The following XKR4 variants were observed in gnomAD, a reference collection of about 807,000 sequenced individuals.
The protein encoded by XKR4 is XK-related protein 4.
In XKR4, 12 loss-of-function variants were observed where a neutral mutation model predicts 53.9. The observed-to-expected ratio is 0.22, with a 90% confidence interval of 0.14 to 0.36. XKR4 has a LOEUF of 0.36. XKR4 is among the 10% of genes least tolerant of loss of function. The pLI is 1.00. For missense variants in XKR4, 799 were observed against 859.5 expected (o/e 0.93, Z 0.88); for synonymous variants, 354 against 362.4 (o/e 0.98, Z 0.26).
rs1435055425 is a variant in XKR4 at position 55,102,303 on chromosome 8, G to A, written c.-186G>A. ...CGGCCCCAGGCGCGCCGCTAGCCCG[G>A]CCCAGCGCCCAGCCCGGCGGGCGGC... On this transcript the variant is annotated 5_prime_UTR_variant, in exon 1 of 3. Coordinates refer to ENST00000327381, the MANE Select transcript of XKR4 (RefSeq NM_052898.2). The surrounding 1 kb of genome is among the most constrained non-coding windows in gnomAD (Gnocchi z 5.1). 7 of 809,428 alleles carry A rather than the reference G, an allele frequency of 8.6e-6. No homozygotes were observed. The highest frequency in any genetic ancestry group is 1.9e-5 in the African/African-American group (1 of 52,980). 50.1% of individuals were successfully genotyped at this position (809,428 alleles called of 1,614,324 possible).
intron 2 of XKR4, among the ~76,000 whole-genome samples, chr8:55,495,367 G>T (rs1022668543): frequency 2.0e-5 from 3 of 152,080 alleles, no homozygotes; most frequent in Non-Finnish European, 4.4e-5. Flanking sequence ...AGGAGCTCCC[G>T]CCCCACCCAC....
chr8:55,179,011 G>T (rs138658925), intron 1 of XKR4, among the ~76,000 whole-genome samples: 1,670 of 152,256 alleles, frequency 0.011, 12 homozygotes, highest in Non-Finnish European at 0.018. Flanking sequence ...ATGAATGATA[G>T]TGAGAACCTG....
chr8:55,317,129 AG>A (rs1321000383), intron 1 of XKR4, among the ~76,000 whole-genome samples: 6 of 152,348 alleles, frequency 3.9e-5, no homozygotes, highest in Admixed American at 1.3e-4. Context: ...TTAACAGACT[AG>A]GAAAAAAAAC....
chr8:55,258,310 T>C (rs962372063), intron 1 of XKR4, among the ~76,000 whole-genome samples: 1 of 152,186 alleles, frequency 6.6e-6, no homozygotes, highest in Non-Finnish European at 1.5e-5. Context: ...GTTGCTCAGA[T>C]GCAGTGAGTG....
intron 1 of XKR4, among the ~76,000 whole-genome samples, chr8:55,326,461 T>C (rs1803294394): frequency 7.5e-6 from 1 of 133,288 alleles, no homozygotes; most frequent in Non-Finnish European, 1.6e-5. Flanking sequence ...TCAACTGATT[T>C]TTTTTCCTTT....
chr8:55,235,359 A>G (rs1028662229), intron 1 of XKR4, among the ~76,000 whole-genome samples: 1 of 152,216 alleles, frequency 6.6e-6, no homozygotes, highest in Non-Finnish European at 1.5e-5. Flanking sequence ...GTGGACATGA[A>G]TTTTGAGAGG....
At chr8:55,228,914 G>C (rs1817993078) in intron 1 of XKR4, among the ~76,000 whole-genome samples, 1 of 151,928 alleles carries the variant, frequency 6.6e-6, no homozygotes, top group Non-Finnish European at 1.5e-5. Context: ...TTCTGGATTA[G>C]GGAATTTATT....
chr8:55,411,631 T>G (rs1804779860), intron 2 of XKR4, among the ~76,000 whole-genome samples: 1 of 152,214 alleles, frequency 6.6e-6, no homozygotes, highest in African/African-American at 2.4e-5. Context: ...CCAAGCCCAT[T>G]GACTCTGTGG....
intron 1 of XKR4, among the ~76,000 whole-genome samples, chr8:55,138,061 T>G (rs566557809): frequency 1.3e-5 from 2 of 152,280 alleles, no homozygotes; most frequent in Admixed American, 1.3e-4. Context: ...GCTGTCTCAT[T>G]ACCTTCTTGA....
chr8:55,320,349 A>C (rs1803186916), intron 1 of XKR4, among the ~76,000 whole-genome samples: 1 of 152,152 alleles, frequency 6.6e-6, no homozygotes, highest in Non-Finnish European at 1.5e-5. Flanking sequence ...TAAAGTACTT[A>C]CCTACCCTTA....
chr8:55,342,797 TG>T (rs1803577114), intron 1 of XKR4, among the ~76,000 whole-genome samples: 1 of 152,252 alleles, frequency 6.6e-6, no homozygotes, highest in Non-Finnish European at 1.5e-5. Context: ...CTTTCCTTCC[TG>T]TCTTACTTCA....
chr8:55,470,701 C>T (rs981382712), intron 2 of XKR4, among the ~76,000 whole-genome samples: 1 of 152,134 alleles, frequency 6.6e-6, no homozygotes, highest in Non-Finnish European at 1.5e-5. Flanking sequence ...AAGTTTGGAA[C>T]AATAACTATC....
intron 1 of XKR4, among the ~76,000 whole-genome samples, chr8:55,109,281 C>T (rs1035350235): frequency 2.0e-5 from 3 of 152,172 alleles, no homozygotes; most frequent in Non-Finnish European, 4.4e-5. Flanking sequence ...GATCATCTTC[C>T]AGCTCTGAGA....
intron 1 of XKR4, among the ~76,000 whole-genome samples, chr8:55,124,446 G>A (rs962185445): frequency 3.3e-5 from 5 of 152,212 alleles, no homozygotes; most frequent in African/African-American, 7.2e-5. Flanking sequence ...GAGCAGCAGC[G>A]CTGCTGTAAG....
chr8:55,144,897 T>C (rs1346031883), intron 1 of XKR4, among the ~76,000 whole-genome samples: 1 of 148,258 alleles, frequency 6.7e-6, no homozygotes, highest in Non-Finnish European at 1.5e-5. Context: ...AGTGGCGCAA[T>C]CTTGGCTCAC....
intron 1 of XKR4, among the ~76,000 whole-genome samples, chr8:55,206,665 C>T (rs1404686599): frequency 1.3e-5 from 2 of 152,296 alleles, no homozygotes; most frequent in African/African-American, 2.4e-5. Flanking sequence ...AATATTGCCC[C>T]TGAAAAAGTT....
At chr8:55,316,125 C>T (rs925871375) in intron 1 of XKR4, among the ~76,000 whole-genome samples, 5 of 152,136 alleles carry the variant, frequency 3.3e-5, no homozygotes, top group African/African-American at 9.7e-5. Context: ...CAGATGAACC[C>T]ATTCAATGTG....
intron 1 of XKR4, among the ~76,000 whole-genome samples, chr8:55,230,281 G>A (rs1818013192): frequency 6.6e-6 from 1 of 151,708 alleles, no homozygotes; most frequent in African/African-American, 2.4e-5. Flanking sequence ...AACTAGGGAG[G>A]GGAATCACTT....
chr8:55,540,263 A>G lies in XKR4; in HGVS notation c.*16036A>G, dbSNP rs1420587415. On this transcript the variant is annotated 3_prime_UTR_variant, in exon 3 of 3. Coordinates refer to ENST00000327381, the MANE Select transcript of XKR4 (RefSeq NM_052898.2). ...TGGTCAATTTTCATGGATATTTCCC[A>G]TTAACATTGTATTCCATGAACAAGT... 1 of 152,338 alleles carries G rather than the reference A, an allele frequency of 6.6e-6. No homozygotes were observed. Among genetic ancestry groups the G allele is most frequent in the East Asian group, 1.9e-4 (1 of 5,188 alleles). The allele number at this position is 152,338 out of a possible 1,614,324, so 9.4% of individuals were successfully genotyped here.
Sources: gnomAD v4.1 joint callset for allele counts (sites outside exome capture counted in the v4.1 genomes callset) on GRCh38, gnomAD v4.1.1 for gene constraint, Gnocchi (gnomAD v3.1) non-coding constraint, MANE v1.5 for transcripts, NCBI Gene and HGNC (gene_info 2026-07-23, HGNC 2026-07-21) for gene names.